TARBP1: variants seen among roughly 807,000 people sequenced by gnomAD.
The protein encoded by TARBP1 is tRNA (guanosine(18)-2'-O)-methyltransferase TARBP1.
A neutral mutation model predicts 178.6 loss-of-function variants in TARBP1; 144 were observed. The ratio of observed to expected loss-of-function variants is 0.81; its 90% CI spans 0.70 to 0.93. TARBP1 has a LOEUF of 0.93. TARBP1 is among the 40% of genes least tolerant of loss of function. TARBP1 has a pLI of 0.00. For synonymous variants in TARBP1, 787 were observed against 781.0 expected (o/e 1.01, Z -0.13); for missense variants, 2,067 against 2,011.7 (o/e 1.03, Z -0.53).
chr1:234,404,699 G>C (rs372834874), intron 24 of TARBP1, among the ~76,000 whole-genome samples: 4 of 152,130 alleles, frequency 2.6e-5, no homozygotes, highest in Non-Finnish European at 5.9e-5. Flanking sequence ...AACTGTGCAC[G>C]ATGTACCAGG....
At chr1:234,410,357 A>T in intron 23 of TARBP1, 88 bp downstream of exon 23, 1 of 762,266 alleles carries the variant, frequency 1.3e-6, no homozygotes, top group Non-Finnish European at 2.1e-6. Flanking sequence ...GCAAACATTC[A>T]CAGGAATGCT....
intron 26 of TARBP1, 135 bp downstream of exon 26, chr1:234,398,247 C>T: frequency 1.6e-6 from 1 of 611,614 alleles, no homozygotes; most frequent in Non-Finnish European, 2.4e-6. Context: ...ACTGTCTTTT[C>T]CCTAAGTGGA....
At chr1:234,444,566 G>A (rs1362727374) in intron 12 of TARBP1, among the ~76,000 whole-genome samples, 1 of 152,056 alleles carries the variant, frequency 6.6e-6, no homozygotes, top group Non-Finnish European at 1.5e-5. Flanking sequence ...GGCGTGCTCA[G>A]CAAGCCCAGC....
chr1:234,427,727 C>A lies in TARBP1; in HGVS notation c.3100G>T (p.Gly1034Ter). 1.3e-6 allele frequency: 2 copies of A among 1,493,900 alleles called. No homozygotes were observed. Among genetic ancestry groups the A allele is most frequent in the South Asian group, 1.4e-5 (1 of 70,388 alleles). The allele number at this position is 1,493,900 out of a possible 1,614,324, so 92.5% of individuals were successfully genotyped here. A position where few individuals can be genotyped will look rare whatever the true frequency, so the allele number is the denominator to read the frequency against. The part of the protein sequence containing the change: ...KIIEMSAIKT[G>*]VFNTLISYCC... ...TAACTTATCAGTGTATTGAAGACTC[C>A]AGTCTTTATAGCAGACATTTCAATT... is the stretch of plus-strand genomic sequence containing the variant. Residue 1034 changes from glycine to a stop codon, truncating the protein, a stop_gained, in exon 18 of 30, where the codon GGA (glycine) becomes TGA (stop). Transcript: ENST00000040877. LOFTEE classifies it high-confidence loss of function.
Position 234,429,451 on chromosome 1 carries a change from G to A in TARBP1, c.2836C>T (p.Pro946Ser), listed in dbSNP as rs1664157854. The change falls in exon 16 of 30, where the codon CCA becomes TCA. Residue 946 changes from proline to serine, a missense_variant. Physicochemically the swap from Pro to Ser is moderately conservative, Grantham distance 74 (BLOSUM62 -1). Coordinates refer to ENST00000040877, the MANE Select transcript of TARBP1 (RefSeq NM_005646.4). Reference protein sequence around the residue: ...LTVLSSDQVLPVFHCLKVLVP... With the variant: ...LTVLSSDQVLSVFHCLKVLVP... ...AACACTTTCAAGCAATGGAACACTG[G>A]TAAAACTTGATCAGAAGAAAGAACT... The A allele has an allele frequency of 6.2e-7, 1 of 1,613,800 alleles. No homozygotes were observed. Among genetic ancestry groups the A allele is most frequent in the Non-Finnish European group, 8.5e-7 (1 of 1,179,898 alleles).
intron 6 of TARBP1, among the ~76,000 whole-genome samples, chr1:234,462,122 A>G (rs1667917257): frequency 6.6e-6 from 1 of 152,202 alleles, no homozygotes; most frequent in Non-Finnish European, 1.5e-5. Flanking sequence ...AATTCAGTAA[A>G]TCCCATCTTT....
chr1:234,449,709 C>G (rs934205562), intron 10 of TARBP1, among the ~76,000 whole-genome samples: 1 of 152,088 alleles, frequency 6.6e-6, no homozygotes, highest in African/African-American at 2.4e-5. Context: ...ATTCCATGGT[C>G]AGATTAAAGA....
chr1:234,429,340 A>C lies in TARBP1; in HGVS notation c.2872-16T>G. The C allele has an allele frequency of 6.4e-7, 1 of 1,568,186 alleles. No individual in the cohort carries two copies. The highest frequency in any genetic ancestry group is 8.6e-7 in the Non-Finnish European group (1 of 1,164,658). Reference sequence around the variant, plus strand: ...AAGTCAGAAGCTGGTAGGAAAAAAAAAAATACATACTTATTTCAAAAACTT... The same window carrying C: ...AAGTCAGAAGCTGGTAGGAAAAAAACAAATACATACTTATTTCAAAAACTT... On this transcript the variant is annotated splice_polypyrimidine_tract_variant and intron_variant, in intron 16 of 29. Transcript: ENST00000040877.
rs746040452 is a variant in TARBP1, at chr1:234,467,525, G to C, written c.1225C>G (p.Pro409Ala). 1 of 1,592,344 alleles carries C rather than the reference G, an allele frequency of 6.3e-7. No homozygotes were observed. The highest frequency in any genetic ancestry group is 1.2e-5 in the South Asian group (1 of 86,416). ...FLELYETKIL[P>A]FSPEFSEFII... ...ACCTCAGAAAATTCTGGTGAAAATG[G>C]AAGAATCTTTGTTTCATACAGCTCC... Residue 409 changes from proline (P) to alanine (A), a missense_variant, in exon 4 of 30, where the codon CCA (proline) becomes GCA (alanine). Coordinates refer to ENST00000040877, the MANE Select transcript of TARBP1 (RefSeq NM_005646.4).
At chr1:234,432,331 AC>A (rs1428681493) in intron 14 of TARBP1, among the ~76,000 whole-genome samples, 1 of 152,030 alleles carries the variant, frequency 6.6e-6, no homozygotes, top group Non-Finnish European at 1.5e-5. Flanking sequence ...AGTCCCAGCT[AC>A]TCGGGAGGTT....
intron 1 of TARBP1, among the ~76,000 whole-genome samples, chr1:234,475,988 A>AT (rs1454868855): frequency 6.8e-6 from 1 of 146,004 alleles, no homozygotes; most frequent in Non-Finnish European, 1.5e-5. Flanking sequence ...CCAGGCAGAA[A>AT]TATTTACTTC....
intron 26 of TARBP1, among the ~76,000 whole-genome samples, chr1:234,396,694 A>G (rs974389125): frequency 3.4e-4 from 51 of 151,940 alleles, no homozygotes; most frequent in Non-Finnish European, 2.9e-4. Context: ...CAAAAATTGC[A>G]TTTTCCCAGA....
chr1:234,454,085 G>A (rs77783711), intron 9 of TARBP1, among the ~76,000 whole-genome samples: 2,862 of 152,240 alleles, frequency 0.019, 95 homozygotes, highest in African/African-American at 0.065. Context: ...AAACCAGGGC[G>A]AAAAGACATT....
chr1:234,411,054 A>T (rs1661759226), intron 22 of TARBP1, among the ~76,000 whole-genome samples: 1 of 152,214 alleles, frequency 6.6e-6, no homozygotes, highest in Admixed American at 6.5e-5. Flanking sequence ...TGGGCAACAG[A>T]GCAAGACCCT....
chr1:234,460,120 ATG>A, intron 7 of TARBP1, 139 bp downstream of exon 7: 2 of 913,816 alleles, frequency 2.2e-6, no homozygotes, highest in African/African-American at 3.4e-5. Flanking sequence ...TTTTTTTCTT[ATG>A]TAAAATTAAG....
intron 10 of TARBP1, among the ~76,000 whole-genome samples, chr1:234,449,086 C>A (rs993151288): frequency 6.6e-6 from 1 of 152,162 alleles, no homozygotes; most frequent in Middle Eastern, 3.4e-3. Context: ...CATCAAAGGT[C>A]TTCTAGCAGA....
chr1:234,441,625 A>G (rs556616545), intron 12 of TARBP1, among the ~76,000 whole-genome samples: 1 of 152,316 alleles, frequency 6.6e-6, no homozygotes, highest in African/African-American at 2.4e-5. Flanking sequence ...AGTCACAGAT[A>G]TGTGCAACTA....
intron 26 of TARBP1, chr1:234,398,168 T>C (rs1660327069): frequency 5.7e-6 from 2 of 350,766 alleles, no homozygotes; most frequent in Non-Finnish European, 1.0e-5. Flanking sequence ...TGGCTTTTTT[T>C]TTTTTTTTAA....
intron 22 of TARBP1, among the ~76,000 whole-genome samples, chr1:234,414,943 C>T (rs1018088618): frequency 6.6e-6 from 1 of 151,972 alleles, no homozygotes; most frequent in African/African-American, 2.4e-5. Context: ...AATATCGCAC[C>T]ACTGCACTCC....
Sources: allele counts gnomAD v4.1 joint callset (sites outside exome capture counted in the v4.1 genomes callset), GRCh38; gene constraint gnomAD v4.1.1; transcripts MANE v1.5; gene names NCBI Gene and HGNC (gene_info 2026-07-23, HGNC 2026-07-21).